Variants in RBPMS2 observed in about 807,000 individuals in gnomAD.
RBPMS2 encodes RNA-binding protein with multiple splicing 2.
In RBPMS2, 14 loss-of-function variants were observed where a neutral mutation model predicts 25.7. That is an observed-to-expected ratio of 0.55 (90% confidence interval 0.36 to 0.85). The LOEUF (loss-of-function observed/expected upper bound fraction) is 0.85, where lower values mean the gene tolerates loss of function less well. Among genes scored for constraint, RBPMS2 ranks in the 40% least tolerant of loss-of-function variants. The probability of loss-of-function intolerance (pLI) is 0.01; values close to 1 mark genes in which losing one functional copy is unlikely to be tolerated. For missense variants in RBPMS2, 252 were observed against 283.4 expected, an observed-to-expected ratio of 0.89 and a Z score of 0.80; for synonymous variants, 127 against 115.6, an observed-to-expected ratio of 1.10 and a Z score of -0.63.
chr15:64,757,105 T>C (rs2083739453), intron 1 of RBPMS2, among the ~76,000 whole-genome samples: 1 of 151,772 alleles, frequency 6.6e-6, no homozygotes, highest in Non-Finnish European at 1.5e-5. Flanking sequence ...CCAGAGTATC[T>C]GGGACTATAG....
At chr15:64,754,699 G>A (rs549181123) in intron 1 of RBPMS2, among the ~76,000 whole-genome samples, 46 of 149,554 alleles carry the variant, frequency 3.1e-4, no homozygotes, top group African/African-American at 4.9e-4. Flanking sequence ...GCAAAACTCC[G>A]TCTCAAAAAA....
rs1326815098 is a variant in RBPMS2, at chr15:64,775,246, G to T, written c.74C>A (p.Ala25Asp). Residue 25 changes from alanine to aspartate, a missense_variant, in exon 1 of 8, where the codon GCC becomes GAC. By Grantham distance (126) the Ala-to-Asp change is moderately radical. Transcript: ENST00000300069. ...GTGSGAGSGG[A>D]LEEEVRTLFV... ...CCACAGACCCACCTCCTCCTCCAGG[G>T]CGCCGCCGGAGCCCGCGCCGGAGCC... 1 of 1,316,970 alleles carries T rather than the reference G, an allele frequency of 7.6e-7. No homozygotes were observed. Among genetic ancestry groups the T allele is most frequent in the South Asian group, 2.0e-5 (1 of 50,530 alleles). 81.6% of individuals were successfully genotyped at this position (1,316,970 alleles called of 1,614,324 possible).
At position 64,741,318 on chromosome 15, in the gene RBPMS2, G is replaced by A. The variant is rs368122205; in HGVS notation, c.568-76C>T. 132 of 1,192,612 alleles carry A rather than the reference G, an allele frequency of 1.1e-4. No individual in the cohort carries two copies. In the East Asian group the frequency reaches 1.5e-3, roughly 14 times the overall value. 73.9% of individuals were successfully genotyped at this position (1,192,612 alleles called of 1,614,324 possible). On this transcript the variant is annotated intron_variant, in intron 6 of 7. Coordinates refer to ENST00000300069, the MANE Select transcript of RBPMS2 (RefSeq NM_194272.3). Reference sequence around the variant, plus strand: ...AGGAAGCCAGGTAACCATGGCCATCGGTGTCCCCGCTGGAGTCCTGGTTCT... The same window carrying A: ...AGGAAGCCAGGTAACCATGGCCATCAGTGTCCCCGCTGGAGTCCTGGTTCT...
At position 64,749,126 on chromosome 15, in the gene RBPMS2, G is replaced by A. The variant is rs1484071523; in HGVS notation, c.292C>T (p.Pro98Ser). The A allele has an allele frequency of 1.2e-6, 2 of 1,614,182 alleles. No homozygotes were observed. Among genetic ancestry groups the A allele is most frequent in the Admixed American group, 1.7e-5 (1 of 60,024 alleles). ...LNGIRFDPENPQTLRLEFAKA... is the reference protein window; with the variant it reads ...LNGIRFDPENSQTLRLEFAKA... ...GCAAACTCTAGCCTCAGAGTCTGTG[G>A]ATTTTCGGGATCAAAGCGAATACCC... is the stretch of plus-strand genomic sequence containing the variant. Residue 98 changes from proline (P) to serine (S), a missense_variant, in exon 5 of 8, where the codon CCA becomes TCA. Physicochemically the swap from Pro to Ser is moderately conservative, Grantham distance 74 (BLOSUM62 -1). Coordinates refer to ENST00000300069, the MANE Select transcript of RBPMS2 (RefSeq NM_194272.3).
At chr15:64,769,962 G>C (rs145775067) in intron 1 of RBPMS2, among the ~76,000 whole-genome samples, 54 of 152,172 alleles carry the variant, frequency 3.5e-4, no homozygotes, top group African/African-American at 1.3e-3. Flanking sequence ...AGGAGGATCA[G>C]GAGGTCAAGA....
chr15:64,775,345 G>A lies in RBPMS2; in HGVS notation c.-26C>T, dbSNP rs1294169708. 1.6e-6 allele frequency: 2 copies of A among 1,228,368 alleles called. No individual in the cohort carries two copies. The highest frequency in any genetic ancestry group is 2.1e-6 in the Non-Finnish European group (2 of 974,964). 76.1% of individuals were successfully genotyped at this position (1,228,368 alleles called of 1,614,324 possible). ...GGTGCGGGGGAGGGGGCGGCGGGAAGGAACGCGAGGGCGAGCGCGGCGCCG... is the reference window on the plus strand; with the variant it reads ...GGTGCGGGGGAGGGGGCGGCGGGAAAGAACGCGAGGGCGAGCGCGGCGCCG... On this transcript the variant is annotated 5_prime_UTR_variant, in exon 1 of 8. Coordinates refer to ENST00000300069, the MANE Select transcript of RBPMS2 (RefSeq NM_194272.3).
intron 3 of RBPMS2, 129 bp from the exon 4 acceptor site, chr15:64,749,622 G>GA (rs1018614296): frequency 2.6e-6 from 2 of 774,262 alleles, no homozygotes; most frequent in Non-Finnish European, 4.0e-6. Context: ...AATACAAAAG[G>GA]AAAAAAAGCC....
intron 1 of RBPMS2, among the ~76,000 whole-genome samples, chr15:64,768,928 G>T (rs1186303300): frequency 1.3e-5 from 2 of 150,886 alleles, no homozygotes; most frequent in African/African-American, 4.9e-5. Context: ...ATGAAACCCC[G>T]TCTCTACTAA....
At chr15:64,761,183 G>C (rs763007371) in intron 1 of RBPMS2, 6 of 152,028 alleles carry the variant, frequency 3.9e-5, no homozygotes, top group Non-Finnish European at 5.9e-5. Flanking sequence ...CCACTGCTTC[G>C]AGCGAGCTCT....
chr15:64,745,074 A>C (rs1048661392), intron 6 of RBPMS2, among the ~76,000 whole-genome samples: 2 of 152,034 alleles, frequency 1.3e-5, no homozygotes, highest in African/African-American at 4.8e-5. Context: ...TCGGCCTCCC[A>C]AAGTACTGGG....
At chr15:64,765,372 G>A (rs568692208) in intron 1 of RBPMS2, among the ~76,000 whole-genome samples, 12 of 145,826 alleles carry the variant, frequency 8.2e-5, no homozygotes, top group African/African-American at 1.5e-4. Context: ...ATGAGATCAC[G>A]CCACTGCACT....
chr15:64,765,328 T>A (rs1409195692), intron 1 of RBPMS2, among the ~76,000 whole-genome samples: 2 of 139,586 alleles, frequency 1.4e-5, no homozygotes, highest in Non-Finnish European at 3.0e-5. Context: ...GGCAGGAGAA[T>A]CCCTTGAACC....
chr15:64,751,538 G>A lies in RBPMS2; in HGVS notation c.165+23C>T, dbSNP rs201342871. On this transcript the variant is annotated intron_variant, in intron 2 of 7. Coordinates refer to ENST00000300069, the MANE Select transcript of RBPMS2 (RefSeq NM_194272.3). ...CTCCAGGGTCCCAGGCTCTACCCAG[G>A]GGGCGGCTGGGTCCTGACTCACCTT... 5.3e-5 allele frequency: 85 copies of A among 1,606,008 alleles called. No individual in the cohort carries two copies. The Admixed American group carries it at 1.0e-3, about 20-fold the overall frequency.
intron 1 of RBPMS2, among the ~76,000 whole-genome samples, chr15:64,765,879 G>C (rs2083841937): frequency 1.3e-5 from 2 of 152,096 alleles, no homozygotes; most frequent in Admixed American, 1.3e-4. Context: ...TGTAATCCCA[G>C]CTACTCAGGA....
intron 1 of RBPMS2, among the ~76,000 whole-genome samples, chr15:64,758,711 A>C (rs1270609132): frequency 6.6e-6 from 1 of 152,088 alleles, no homozygotes; most frequent in Non-Finnish European, 1.5e-5. Context: ...TTTCTGAGGC[A>C]AGTCTTGCCT....
chr15:64,758,539 A>G (rs1017015261), intron 1 of RBPMS2, among the ~76,000 whole-genome samples: 7 of 152,192 alleles, frequency 4.6e-5, no homozygotes, highest in Non-Finnish European at 1.5e-5. Flanking sequence ...GTACCCATAC[A>G]GAATACCACA....
At chr15:64,761,370 G>C (rs4777576) in intron 1 of RBPMS2, among the ~76,000 whole-genome samples, 152,221 of 152,326 alleles carry the variant, frequency 1, 76,059 homozygotes, top group Middle Eastern at 1. Flanking sequence ...TATTTTTAGA[G>C]GAGGAAACCA....
At chr15:64,754,091 A>C (rs1189022494) in intron 1 of RBPMS2, among the ~76,000 whole-genome samples, 8 of 152,196 alleles carry the variant, frequency 5.3e-5, no homozygotes, top group Non-Finnish European at 7.3e-5. Context: ...CGGGTGGATC[A>C]CTTGAGGTCA....
chr15:64,754,878 A>G (rs2083718085), intron 1 of RBPMS2, among the ~76,000 whole-genome samples: 1 of 152,146 alleles, frequency 6.6e-6, no homozygotes, highest in Non-Finnish European at 1.5e-5. Context: ...TGCAGCCACC[A>G]GCGTCCTGAT....
Sources: allele counts gnomAD v4.1 joint callset (sites outside exome capture counted in the v4.1 genomes callset), GRCh38; gene constraint gnomAD v4.1.1; transcripts MANE v1.5; gene names NCBI Gene and HGNC (gene_info 2026-07-23, HGNC 2026-07-21).